Variants in GOLGB1 observed in about 807,000 individuals in gnomAD.
The protein encoded by GOLGB1 is golgin B1.
In GOLGB1, 174 loss-of-function variants were observed where a neutral mutation model predicts 336.9. The observed-to-expected ratio is 0.52, with a 90% CI of 0.46 to 0.59. GOLGB1 has a LOEUF of 0.59. GOLGB1 is among the 20% of genes least tolerant of loss of function. GOLGB1 has a pLI of 0.00. For synonymous variants in GOLGB1, 1,208 were observed against 1,289.2 expected (o/e 0.94, Z 1.35); for missense variants, 3,331 against 3,645.3 (o/e 0.91, Z 2.22).
chr3:121,688,437 C>T (rs1412143921), intron 14 of GOLGB1, among the ~76,000 whole-genome samples: 1 of 152,274 alleles, frequency 6.6e-6, no homozygotes, highest in African/African-American at 2.4e-5. Context: ...ATCCGCCAAC[C>T]TCGGCCTCCC....
chr3:121,687,499 G>A (rs1374476073), intron 14 of GOLGB1, among the ~76,000 whole-genome samples: 2 of 152,158 alleles, frequency 1.3e-5, no homozygotes, highest in Admixed American at 6.5e-5. Context: ...TTAGGATGTT[G>A]AAGATGGAAA....
At chr3:121,726,433 C>CAAA (rs10547964) in intron 5 of GOLGB1, among the ~76,000 whole-genome samples, 135 of 61,344 alleles carry the variant, frequency 2.2e-3, no homozygotes, top group South Asian at 3.6e-3. Flanking sequence ...CACCCTGTCT[C>CAAA]AAAAAAAAAA....
In GOLGB1 at chr3:121,695,013, T is replaced by A; in HGVS notation, c.5510A>T (p.His1837Leu). 2 of 1,613,606 alleles carry A rather than the reference T, an allele frequency of 1.2e-6. No homozygotes were observed. Among genetic ancestry groups the A allele is most frequent in the Non-Finnish European group, 1.7e-6 (2 of 1,179,470 alleles). The change falls in exon 13 of 22, where the codon CAT (histidine) becomes CTT (leucine). Residue 1837 changes from histidine to leucine, a missense_variant. By Grantham distance (99) the His-to-Leu change is moderately conservative. Coordinates refer to ENST00000614479, the MANE Select transcript of GOLGB1 (RefSeq NM_001366282.2). ...NPAVSKDFSSHDEINNYLQQI... is the reference protein window; with the variant it reads ...NPAVSKDFSSLDEINNYLQQI... ...CTGTAGGTAGTTATTAATTTCATCATGTGAGCTGAAATCCTTACTTACAGC... is the reference window on the plus strand; with the variant it reads ...CTGTAGGTAGTTATTAATTTCATCAAGTGAGCTGAAATCCTTACTTACAGC...
chr3:121,748,809 CA>C, intron 1 of GOLGB1: 2 of 983,784 alleles, frequency 2.0e-6, no homozygotes, highest in Non-Finnish European at 2.4e-6. Context: ...ATCCCTGTCC[CA>C]CTCTCAAACT....
intron 15 of GOLGB1, among the ~76,000 whole-genome samples, chr3:121,679,352 A>C (rs957583063): frequency 2.0e-5 from 3 of 152,234 alleles, no homozygotes; most frequent in African/African-American, 7.2e-5. Flanking sequence ...ATAAATAAAA[A>C]CAAACATAAG....
At chr3:121,679,228 T>A (rs1362711968) in intron 15 of GOLGB1, among the ~76,000 whole-genome samples, 1 of 152,190 alleles carries the variant, frequency 6.6e-6, no homozygotes, top group Non-Finnish European at 1.5e-5. Context: ...GAAATGCTCA[T>A]TAGATAATGC....
chr3:121,689,052 C>A (rs1184730293), intron 14 of GOLGB1, among the ~76,000 whole-genome samples: 1 of 149,544 alleles, frequency 6.7e-6, no homozygotes, highest in South Asian at 2.1e-4. Flanking sequence ...CCGCCCCGTC[C>A]GGGAGGGAGG....
intron 17 of GOLGB1, among the ~76,000 whole-genome samples, chr3:121,670,763 G>C (rs571082836): frequency 1.3e-5 from 2 of 148,750 alleles, no homozygotes; most frequent in South Asian, 2.2e-4. Flanking sequence ...TTTGGGGGGG[G>C]GGGTGTGGGA....
chr3:121,741,637 T>C (rs1275931207), intron 1 of GOLGB1, among the ~76,000 whole-genome samples: 1 of 152,212 alleles, frequency 6.6e-6, no homozygotes, highest in Non-Finnish European at 1.5e-5. Flanking sequence ...GATACAGATG[T>C]AATACAGAAG....
Position 121,692,292 on chromosome 3 carries a change from T to C in GOLGB1, c.7072A>G (p.Lys2358Glu), listed in dbSNP as rs1427977435. The stretch of plus-strand genomic sequence containing the variant: ...GTCTCCAGTTGTTCATAACTGAACT[T>C]AGAATTTTGAATATCAGCCTCTTGC... ...RQQEADIQNS[K>E]FSYEQLETDL... is the part of the protein sequence containing the mutation. The change falls in exon 14 of 22, where the codon AAG becomes GAG. Residue 2358 changes from lysine (K) to glutamate (E), a missense_variant. By Grantham distance (56) the Lys-to-Glu change is moderately conservative (BLOSUM62 1). Coordinates refer to ENST00000614479, the MANE Select transcript of GOLGB1 (RefSeq NM_001366282.2). 3.1e-6 allele frequency: 5 copies of C among 1,611,634 alleles called. No individual in the cohort carries two copies. Among genetic ancestry groups the C allele is most frequent in the East Asian group, 2.2e-5 (1 of 44,876 alleles).
Position 121,730,906 on chromosome 3 carries a change from A to G in GOLGB1, c.66T>C (p.Thr22=), listed in dbSNP as rs145094830. The G allele has an allele frequency of 6.3e-5, 102 of 1,612,010 alleles. No individual in the cohort carries two copies. The highest frequency in any genetic ancestry group is 7.6e-5 in the Non-Finnish European group (90 of 1,178,288). Residue 22 remains threonine, a synonymous_variant, in exon 2 of 22, where the codon ACT becomes ACC. Transcript: ENST00000614479. Reference sequence around the variant, plus strand: ...CTAGGGGAGCCCTCATATTCTGATCAGTGTCATCATCTCCTGATAATTCAT... The same window carrying G: ...CTAGGGGAGCCCTCATATTCTGATCGGTGTCATCATCTCCTGATAATTCAT... ...VLHELSGDDD[T]DQNMRAPLDP...
chr3:121,696,606 C>T lies in GOLGB1; in HGVS notation c.3917G>A (p.Gly1306Glu). The change falls in exon 13 of 22, where the codon GGA (glycine) becomes GAA (glutamate). Residue 1306 changes from glycine (G) to glutamate (E), a missense_variant. By Grantham distance (98) the Gly-to-Glu change is moderately conservative. Coordinates refer to ENST00000614479, the MANE Select transcript of GOLGB1 (RefSeq NM_001366282.2). The part of the protein sequence containing the change: ...HSEDASALQG[G>E]TSVAQIKAQL... ...GGCCTTAATCTGGGCAACAGAAGTTCCGCCCTGCAGAGCACTCGCATCTTC... is the reference window on the plus strand; with the variant it reads ...GGCCTTAATCTGGGCAACAGAAGTTTCGCCCTGCAGAGCACTCGCATCTTC... The T allele has an allele frequency of 6.2e-7, 1 of 1,614,204 alleles. No homozygotes were observed.
In GOLGB1 at chr3:121,676,998, C is replaced by T. The variant is rs950204369; in HGVS notation, c.9072G>A (p.Gly3024=). 2 of 1,613,698 alleles carry T rather than the reference C, an allele frequency of 1.2e-6. No homozygotes were observed. Among genetic ancestry groups the T allele is most frequent in the Non-Finnish European group, 1.7e-6 (2 of 1,179,648 alleles). ...CTGTCTCATAAACCAGATTTTGTGACCCATCTGGGGAAGCTGATGTCTCTG... is the reference window on the plus strand; with the variant it reads ...CTGTCTCATAAACCAGATTTTGTGATCCATCTGGGGAAGCTGATGTCTCTG... The part of the protein sequence containing the change: ...ASPETSASPD[G]SQNLVYETEL... Residue 3024 remains glycine (G), a synonymous_variant, in exon 17 of 22, where the codon GGG becomes GGA. Coordinates refer to ENST00000614479, the MANE Select transcript of GOLGB1 (RefSeq NM_001366282.2).
chr3:121,683,889 G>T (rs963754170), intron 14 of GOLGB1, among the ~76,000 whole-genome samples: 1 of 152,010 alleles, frequency 6.6e-6, no homozygotes, highest in Non-Finnish European at 1.5e-5. Context: ...CAGCACTTTG[G>T]GGGGCCGAGG....
In GOLGB1 at chr3:121,696,711, G is replaced by A. The variant is rs1560236189; in HGVS notation, c.3812C>T (p.Pro1271Leu). 17 of 1,613,918 alleles carry A rather than the reference G, an allele frequency of 1.1e-5. No homozygotes were observed. The highest frequency in any genetic ancestry group is 1.4e-5 in the Non-Finnish European group (16 of 1,179,982). Residue 1271 changes from proline to leucine, a missense_variant, in exon 13 of 22, where the codon CCT becomes CTT. By Grantham distance (98) the Pro-to-Leu change is moderately conservative. Coordinates refer to ENST00000614479, the MANE Select transcript of GOLGB1 (RefSeq NM_001366282.2). ...SCSSTPGLEE[P>L]LFKATEQHHT... ...ATGCTGTTCTGTGGCTTTGAATAAA[G>A]GTTCTTCTAAACCTGGAGTGGAAGA...
In GOLGB1 at chr3:121,692,314, T is replaced by G; in HGVS notation, c.7050A>C (p.Gln2350His). ...KGNLEGIIRQ[Q>H]EADIQNSKFS... ...ACTTAGAATTTTGAATATCAGCCTC[T>G]TGCTGCCTTATGATCCCTTCCAAGT... is the stretch of plus-strand genomic sequence containing the variant. The change falls in exon 14 of 22, where the codon CAA becomes CAC. Residue 2350 changes from glutamine to histidine, a missense_variant. Gln to His is a conservative substitution (Grantham distance 24, BLOSUM62 0). Transcript: ENST00000614479. 6.2e-7 allele frequency: 1 copy of G among 1,611,348 alleles called. No homozygotes were observed. Among genetic ancestry groups the G allele is most frequent in the Non-Finnish European group, 8.5e-7 (1 of 1,179,282 alleles).
At position 121,664,404 on chromosome 3, in the gene GOLGB1, G is replaced by A. The variant is rs964586628; in HGVS notation, c.*76C>T. ...CTGTAAATGGGAAGACTGTTCCACT[G>A]GAATTGATGTTCTGATGTTAGAGGT... On this transcript the variant is annotated 3_prime_UTR_variant, in exon 22 of 22. Coordinates refer to ENST00000614479, the MANE Select transcript of GOLGB1 (RefSeq NM_001366282.2). The A allele has an allele frequency of 7.9e-7, 1 of 1,260,078 alleles. No homozygotes were observed. The highest frequency in any genetic ancestry group is 1.2e-6 in the Non-Finnish European group (1 of 860,682). 78.1% of individuals were successfully genotyped at this position (1,260,078 alleles called of 1,614,324 possible).
At chr3:121,676,315 A>G (rs1940367408) in intron 17 of GOLGB1, among the ~76,000 whole-genome samples, 1 of 152,152 alleles carries the variant, frequency 6.6e-6, no homozygotes, top group African/African-American at 2.4e-5. Context: ...TAATTTTTGG[A>G]TCACAGACCC....
intron 14 of GOLGB1, among the ~76,000 whole-genome samples, chr3:121,687,651 G>GT (rs1464944944): frequency 3.9e-5 from 6 of 152,210 alleles, no homozygotes; most frequent in Non-Finnish European, 8.8e-5. Context: ...TGGCTTGGCT[G>GT]TAACTATCCA....
Sources: gnomAD v4.1 joint callset for allele counts (sites outside exome capture counted in the v4.1 genomes callset) on GRCh38, gnomAD v4.1.1 for gene constraint, MANE v1.5 for transcripts, NCBI Gene and HGNC (gene_info 2026-07-23, HGNC 2026-07-21) for gene names.